Variants in BMP2K observed in about 807,000 individuals in gnomAD.
The protein encoded by BMP2K is BMP-2-inducible protein kinase.
Under a neutral mutation model 116.0 loss-of-function variants are expected in BMP2K, and 74 were observed. The observed-to-expected ratio is 0.64, with a 90% CI of 0.53 to 0.77. The LOEUF (loss-of-function observed/expected upper bound fraction) is 0.77, where lower values mean the gene tolerates loss of function less well. Among genes scored for constraint, BMP2K ranks in the 30% least tolerant of loss-of-function variants. BMP2K has a pLI of 0.00. For synonymous variants in BMP2K, 486 were observed against 502.5 expected (o/e 0.97, Z 0.44); for missense variants, 1,365 against 1,403.6 (o/e 0.97, Z 0.44).
intron 1 of BMP2K, among the ~76,000 whole-genome samples, chr4:78,803,102 G>A (rs532168124): frequency 3.3e-5 from 5 of 151,688 alleles, no homozygotes; most frequent in Admixed American, 2.6e-4. Context: ...CACCCTCCTC[G>A]GCCTCCCAAA....
chr4:78,911,568 T>C lies in BMP2K; in HGVS notation c.3021T>C (p.Thr1007=). 1 of 1,613,990 alleles carries C rather than the reference T, an allele frequency of 6.2e-7. No homozygotes were observed. The highest frequency in any genetic ancestry group is 8.5e-7 in the Non-Finnish European group (1 of 1,179,888). Residue 1007 remains threonine (T), a synonymous_variant, in exon 16 of 16, where the codon ACT becomes ACC. Coordinates refer to ENST00000502613, the MANE Select transcript of BMP2K (RefSeq NM_198892.2). ...GCACGCCAACTAGCACAAAGAAGACTTTGAAGCCTACCTATCGCACTCCAG... is the reference window on the plus strand; with the variant it reads ...GCACGCCAACTAGCACAAAGAAGACCTTGAAGCCTACCTATCGCACTCCAG... ...HHGTPTSTKK[T]LKPTYRTPER... is the part of the protein sequence containing the mutation.
At chr4:78,845,523 T>A (rs1426139) in intron 5 of BMP2K, among the ~76,000 whole-genome samples, 29,299 of 151,516 alleles carry the variant, frequency 0.19, 6,143 homozygotes, top group African/African-American at 0.52. Flanking sequence ...CTTTGTAATG[T>A]TATACTGGAA....
intron 7 of BMP2K, among the ~76,000 whole-genome samples, chr4:78,857,177 A>G (rs1014077141): frequency 3.3e-5 from 5 of 152,152 alleles, no homozygotes; most frequent in African/African-American, 1.2e-4. Flanking sequence ...ATATTAATGT[A>G]CTGTAATATT....
At chr4:78,808,466 C>T (rs1258099199) in intron 1 of BMP2K, among the ~76,000 whole-genome samples, 1 of 151,944 alleles carries the variant, frequency 6.6e-6, no homozygotes, top group Admixed American at 6.6e-5. Flanking sequence ...GGGGTTTTCA[C>T]CATATTAGCC....
chr4:78,844,690 T>A (rs1259269359), intron 4 of BMP2K, among the ~76,000 whole-genome samples: 2 of 151,614 alleles, frequency 1.3e-5, no homozygotes, highest in Admixed American at 1.3e-4. Flanking sequence ...TTTGCTCCCA[T>A]TCATTTGACC....
At chr4:78,863,908 A>G (rs1033425000) in intron 9 of BMP2K, among the ~76,000 whole-genome samples, 2 of 152,120 alleles carry the variant, frequency 1.3e-5, no homozygotes, top group East Asian at 1.9e-4. Context: ...TTACATCTCC[A>G]TAAATTCTTG....
chr4:78,778,617 C>A (rs1727357881), intron 1 of BMP2K, among the ~76,000 whole-genome samples: 1 of 152,230 alleles, frequency 6.6e-6, no homozygotes, highest in Non-Finnish European at 1.5e-5. Context: ...CTGTCTCCAT[C>A]ACCCACACAA....
At chr4:78,858,354 A>G (rs1381615369) in intron 7 of BMP2K, among the ~76,000 whole-genome samples, 1 of 151,950 alleles carries the variant, frequency 6.6e-6, no homozygotes, top group Non-Finnish European at 1.5e-5. Flanking sequence ...ATAAACTAGC[A>G]AATATTAGAA....
At position 78,872,674 on chromosome 4, in the gene BMP2K, C is replaced by G. The variant is rs765434750; in HGVS notation, c.1669C>G (p.Gln557Glu). The G allele has an allele frequency of 6.2e-6, 10 of 1,614,122 alleles. No individual in the cohort carries two copies. Among genetic ancestry groups the G allele is most frequent in the Admixed American group, 1.7e-5 (1 of 60,010 alleles). Residue 557 changes from glutamine (Q) to glutamate (E), a missense_variant, in exon 13 of 16, where the codon CAA becomes GAA. Around this residue, in one of 3 missense-constraint regions of BMP2K, gnomAD observed 762 missense variants for 756.7 expected, o/e 1.01. Coordinates refer to ENST00000502613, the MANE Select transcript of BMP2K (RefSeq NM_198892.2). ...GATGCTAGCTCAACATCAGCCGTCT[C>G]AACAACAGGCATCACCTGAATATCT... ...QQMLAQHQPS[Q>E]QQASPEYLTS...
chr4:78,907,940 T>A (rs1734370731), intron 15 of BMP2K, among the ~76,000 whole-genome samples: 1 of 152,214 alleles, frequency 6.6e-6, no homozygotes, highest in African/African-American at 2.4e-5. Context: ...ATGGGAAATC[T>A]TCTGGAACCG....
intron 1 of BMP2K, among the ~76,000 whole-genome samples, chr4:78,812,677 G>A (rs1177616385): frequency 6.6e-6 from 1 of 152,188 alleles, no homozygotes; most frequent in African/African-American, 2.4e-5. Context: ...GGTATCACCT[G>A]GCCCTTTTCC....
At chr4:78,858,261 G>A (rs1036997454) in intron 7 of BMP2K, among the ~76,000 whole-genome samples, 5 of 151,904 alleles carry the variant, frequency 3.3e-5, no homozygotes, top group East Asian at 1.9e-4. Context: ...CTGTTGTTAC[G>A]TTAAAAACAT....
intron 1 of BMP2K, among the ~76,000 whole-genome samples, chr4:78,822,532 TATTTCATCAGATCA>T (rs11273488): frequency 0.049 from 7,483 of 152,222 alleles, 585 homozygotes; most frequent in African/African-American, 0.17. Context: ...TATCCCAGTT[TATTTCATCAGATCA>T]ATTTCATCAG....
chr4:78,850,419 CTTAAT>C (rs908205400), intron 6 of BMP2K, among the ~76,000 whole-genome samples: 2 of 151,764 alleles, frequency 1.3e-5, no homozygotes, highest in African/African-American at 4.8e-5. Flanking sequence ...AAACACAGAA[CTTAAT>C]TTTTATAGTG....
At chr4:78,829,787 T>TTTCTTTTCTTTTCTCTCTTCTCTTCTC (rs71216237) in intron 2 of BMP2K, among the ~76,000 whole-genome samples, 15 of 86,592 alleles carry the variant, frequency 1.7e-4, no homozygotes, top group African/African-American at 5.9e-4. Context: ...TTTCTTTTCT[T>TTTCTTTTCTTTTCTCTCTTCTCTTCTC]TTCTCTTCTC....
intron 1 of BMP2K, among the ~76,000 whole-genome samples, chr4:78,804,058 A>G (rs1056212030): frequency 1.1e-4 from 17 of 152,194 alleles, no homozygotes; most frequent in African/African-American, 3.9e-4. Flanking sequence ...ACCACCACTA[A>G]TTCTAGAACA....
chr4:78,859,500 A>C, intron 7 of BMP2K, 84 bp from the exon 8 acceptor site: 1 of 823,106 alleles, frequency 1.2e-6, no homozygotes, highest in Admixed American at 2.9e-5. Context: ...CAGAAAATAC[A>C]TATTTTTTAT....
At chr4:78,864,468 C>T (rs371328437) in intron 9 of BMP2K, among the ~76,000 whole-genome samples, 22 of 151,244 alleles carry the variant, frequency 1.5e-4, no homozygotes, top group African/African-American at 4.8e-4. Context: ...ATTTTCATGT[C>T]TTTTACCATC....
At chr4:78,867,540 A>AT (rs556297352) in intron 10 of BMP2K, among the ~76,000 whole-genome samples, 60 of 151,436 alleles carry the variant, frequency 4.0e-4, no homozygotes, top group South Asian at 1.5e-3. Context: ...CAATAAGTGC[A>AT]TTTTTTTTTA....
Sources: gnomAD v4.1 joint callset for allele counts (sites outside exome capture counted in the v4.1 genomes callset) on GRCh38, gnomAD v4.1.1 for gene constraint, gnomAD v4.1.1 regional missense constraint, MANE v1.5 for transcripts, NCBI Gene and HGNC (gene_info 2026-07-23, HGNC 2026-07-21) for gene names.